The following CASS4 variants were observed in gnomAD, a reference collection of about 807,000 sequenced individuals.
CASS4 encodes the protein cas scaffolding protein family member 4.
In CASS4, 22 loss-of-function variants were observed where a neutral mutation model predicts 54.2. The observed-to-expected ratio is 0.41, with a 90% CI of 0.29 to 0.58. CASS4 has a LOEUF of 0.58. CASS4 is among the 20% of genes least tolerant of loss of function. The pLI, the probability that CASS4 is intolerant of heterozygous loss-of-function variation, is 0.36. For synonymous variants in CASS4, 409 were observed against 391.5 expected (o/e 1.04, Z -0.53); for missense variants, 854 against 986.7 (o/e 0.87, Z 1.80).
chr20:56,452,608 G>A lies in CASS4; in HGVS notation c.1432G>A (p.Ala478Thr), dbSNP rs917517655. Residue 478 changes from alanine (A) to threonine (T), a missense_variant, in exon 5 of 6, where the codon GCA becomes ACA. Ala to Thr is a moderately conservative substitution (Grantham distance 58). Transcript: ENST00000679887. ...FRDYLEANID[A>T]IHRSTDHIEE... Reference sequence around the variant, plus strand: ...AGACTATCTGGAGGCCAACATTGATGCAATCCACAGGTCCACTGATCACAT... The same window carrying A: ...AGACTATCTGGAGGCCAACATTGATACAATCCACAGGTCCACTGATCACAT... 2 of 1,614,166 alleles carry A rather than the reference G, an allele frequency of 1.2e-6. No individual in the cohort carries two copies. Among genetic ancestry groups the A allele is most frequent in the East Asian group, 2.2e-5 (1 of 44,872 alleles).
intron 5 of CASS4, 60 bp from the exon 6 acceptor site, chr20:56,458,280 G>A (rs921037290): frequency 6.6e-6 from 10 of 1,506,952 alleles, no homozygotes; most frequent in Admixed American, 2.0e-5. Context: ...ACAGGAAAGG[G>A]CAGACAGCCA....
At position 56,453,111 on chromosome 20, in the gene CASS4, G is replaced by C. The variant is rs2870738; in HGVS notation, c.1935G>C (p.Arg645Ser). 121 of 1,612,640 alleles carry C rather than the reference G, an allele frequency of 7.5e-5. 1 individual carries two copies. The Middle Eastern group carries it at 1.2e-3, about 15-fold the overall frequency. Residue 645 changes from arginine to serine, a missense_variant, in exon 5 of 6, where the codon AGG (arginine) becomes AGC (serine). Transcript: ENST00000679887. Reference protein sequence around the residue: ...EHSSELLKKNRANICGQNPGP... With the variant: ...EHSSELLKKNSANICGQNPGP... Reference sequence around the variant, plus strand: ...CTTCTGAACTATTAAAGAAAAATAGGGCAAATATCTGTGGACAGGTGAGTT... The same window carrying C: ...CTTCTGAACTATTAAAGAAAAATAGCGCAAATATCTGTGGACAGGTGAGTT...
At chr20:56,423,309 T>C (rs1477847761) in intron 1 of CASS4, among the ~76,000 whole-genome samples, 1 of 152,200 alleles carries the variant, frequency 6.6e-6, no homozygotes, top group East Asian at 1.9e-4. Flanking sequence ...ACTCTTTGAT[T>C]GTGTGGGACT....
Position 56,412,678 on chromosome 20 carries a change from C to A in CASS4, c.36+184C>A, listed in dbSNP as rs916670698. On this transcript the variant is annotated intron_variant, in intron 1 of 5. Transcript: ENST00000679887. The surrounding 1 kb of genome is among the most constrained non-coding windows in gnomAD (Gnocchi z 4.2). ...AATAGATGTGTTGTAAAGCTCCTTA[C>A]CAGTTTGCATCCAAGATGGGTGAAA... Among the ~76,000 whole-genome samples the A allele has an allele frequency of 1.3e-5, 2 of 152,204 alleles. No individual in the cohort carries two copies. The highest frequency in any genetic ancestry group is 2.9e-5 in the Non-Finnish European group (2 of 68,030).
chr20:56,436,469 T>C (rs1004654640), intron 1 of CASS4, among the ~76,000 whole-genome samples: 4 of 151,284 alleles, frequency 2.6e-5, no homozygotes, highest in African/African-American at 9.7e-5. Context: ...TATAAATATC[T>C]CAACCCATTT....
At chr20:56,440,475 T>C (rs6069746) in intron 2 of CASS4, among the ~76,000 whole-genome samples, 35,098 of 152,072 alleles carry the variant, frequency 0.23, 4,088 homozygotes, top group Middle Eastern at 0.28. Context: ...CACTTCACAA[T>C]CAGTTAAGTT....
At chr20:56,416,848 C>CT (rs1288501038) in intron 1 of CASS4, among the ~76,000 whole-genome samples, 9 of 152,174 alleles carry the variant, frequency 5.9e-5, no homozygotes, top group Non-Finnish European at 1.2e-4. Context: ...AAGCAAGCAT[C>CT]TTTACTATGT....
At position 56,437,288 on chromosome 20, in the gene CASS4, G is replaced by A; in HGVS notation, c.161G>A (p.Cys54Tyr). Residue 54 changes from cysteine (C) to tyrosine (Y), a missense_variant, in exon 2 of 6, where the codon TGT (cysteine) becomes TAT (tyrosine). Transcript: ENST00000679887. This position sits in a 1 kb window ranked among gnomAD's most constrained non-coding sequence, Gnocchi z 4.7. ...HVPESEGWWK[C>Y]LLHGRQGLAP... ...CCAGAAAGCGAGGGTTGGTGGAAGT[G>A]TTTGCTCCATGGGAGGCAAGGCCTG... 2 of 1,614,152 alleles carry A rather than the reference G, an allele frequency of 1.2e-6. No individual in the cohort carries two copies. The highest frequency in any genetic ancestry group is 1.7e-6 in the Non-Finnish European group (2 of 1,179,996).
In CASS4 at chr20:56,450,595, C is replaced by T; in HGVS notation, c.562-4C>T. ...AGTTGTCTGCCTTTGTGGTCTTTCC[C>T]CAGGAGCCAGAGAAGCAGCAGTTAT... On this transcript the variant is annotated splice_polypyrimidine_tract_variant and splice_region_variant and intron_variant, in intron 3 of 5. Transcript: ENST00000679887. 1 of 1,613,956 alleles carries T rather than the reference C, an allele frequency of 6.2e-7. No homozygotes were observed. Among genetic ancestry groups the T allele is most frequent in the Non-Finnish European group, 8.5e-7 (1 of 1,179,900 alleles).
intron 2 of CASS4, among the ~76,000 whole-genome samples, chr20:56,444,936 C>T (rs982197779): frequency 6.6e-6 from 1 of 152,140 alleles, no homozygotes; most frequent in Non-Finnish European, 1.5e-5. Context: ...TATGGTGAAA[C>T]CCTGTCTCTA....
intron 2 of CASS4, among the ~76,000 whole-genome samples, chr20:56,444,258 C>A (rs1252423775): frequency 6.6e-6 from 1 of 152,164 alleles, no homozygotes; most frequent in Non-Finnish European, 1.5e-5. Context: ...ACCCAGTCCT[C>A]AGAAACTGCT....
chr20:56,418,333 A>C (rs1979243706), intron 1 of CASS4, among the ~76,000 whole-genome samples: 1 of 152,244 alleles, frequency 6.6e-6, no homozygotes, highest in Admixed American at 6.5e-5. Context: ...CCATGGGGTC[A>C]AAGAAGAGTA....
rs1337187814 is a variant in CASS4 at position 56,446,019 on chromosome 20, G to A, written c.561+18G>A. On this transcript the variant is annotated intron_variant, in intron 3 of 5. Coordinates refer to ENST00000679887, the MANE Select transcript of CASS4 (RefSeq NM_020356.4). ...TCCTGAAGGTGAGCCTTGTTCAGGG[G>A]CCCCTCATCACCCAGACCTCTGCGC... 3 of 1,558,512 alleles carry A rather than the reference G, an allele frequency of 1.9e-6. No individual in the cohort carries two copies. The highest frequency in any genetic ancestry group is 2.2e-5 in the East Asian group (1 of 44,582).
chr20:56,414,875 A>G lies in CASS4; in HGVS notation c.36+2381A>G, dbSNP rs905506803. ...GGCAGGAGAATTGCTTTATATATAT[A>G]TATAAATAGTAGCCAACCCTTACCG... On this transcript the variant is annotated intron_variant, in intron 1 of 5. Coordinates refer to ENST00000679887, the MANE Select transcript of CASS4 (RefSeq NM_020356.4). The surrounding 1 kb of genome is among the most constrained non-coding windows in gnomAD (Gnocchi z 4.1). Among the ~76,000 whole-genome samples the G allele has an allele frequency of 1.3e-5, 2 of 152,172 alleles. No homozygotes were observed. The highest frequency in any genetic ancestry group is 2.4e-5 in the African/African-American group (1 of 41,430).
At position 56,445,991 on chromosome 20, in the gene CASS4, T is replaced by C; in HGVS notation, c.551T>C (p.Val184Ala). ...GTGCCTACCCAGCACCGGGGCCCCG[T>C]GGTCCTGAAGGTGAGCCTTGTTCAG... ...YDVPTQHRGP[V>A]VLKEPEKQQL... Residue 184 changes from valine (V) to alanine (A), a missense_variant, in exon 3 of 6, where the codon GTG becomes GCG. Val to Ala is a moderately conservative substitution (Grantham distance 64). Coordinates refer to ENST00000679887, the MANE Select transcript of CASS4 (RefSeq NM_020356.4). 6.2e-7 allele frequency: 1 copy of C among 1,613,124 alleles called. No individual in the cohort carries two copies. Among genetic ancestry groups the C allele is most frequent in the East Asian group, 2.2e-5 (1 of 44,870 alleles).
intron 1 of CASS4, among the ~76,000 whole-genome samples, chr20:56,419,249 T>C (rs1979296639): frequency 6.6e-6 from 1 of 152,096 alleles, no homozygotes; most frequent in Non-Finnish European, 1.5e-5. Context: ...ACACTCCAAC[T>C]TGAGTTGCAA....
intron 1 of CASS4, among the ~76,000 whole-genome samples, chr20:56,422,859 C>T (rs550762683): frequency 2.0e-5 from 3 of 152,300 alleles, no homozygotes; most frequent in Admixed American, 1.3e-4. Flanking sequence ...TTTTCTTTTT[C>T]TCTCATATCC....
chr20:56,412,122 GT>G, upstream of CASS4: 2 of 354,508 alleles, frequency 5.6e-6, no homozygotes, highest in South Asian at 2.6e-5. This position sits in a 1 kb window ranked among gnomAD's most constrained non-coding sequence, Gnocchi z 4.2. Context: ...GAAGAGTGGT[GT>G]TTTTTTCTTC....
rs1054502523 is a variant in CASS4 at position 56,412,555 on chromosome 20, G to T, written c.36+61G>T. On this transcript the variant is annotated intron_variant, in intron 1 of 5. Transcript: ENST00000679887. The surrounding 1 kb of genome is among the most constrained non-coding windows in gnomAD (Gnocchi z 4.2). ...GGGGAGCAAGCTGTGATGATTAAGG[G>T]TGTTGACCAGCTTTAGTTGTGACTT... 11 of 1,545,392 alleles carry T rather than the reference G, an allele frequency of 7.1e-6. No individual in the cohort carries two copies. The highest frequency in any genetic ancestry group is 2.3e-5 in the East Asian group (1 of 43,104).
Sources: allele counts gnomAD v4.1 joint callset (sites outside exome capture counted in the v4.1 genomes callset), GRCh38; gene constraint gnomAD v4.1.1; non-coding constraint Gnocchi (gnomAD v3.1); transcripts MANE v1.5; gene names NCBI Gene and HGNC (gene_info 2026-07-23, HGNC 2026-07-21).